The following CTNNA3 variants were observed in gnomAD, a reference collection of about 807,000 sequenced individuals.
The protein encoded by CTNNA3 is catenin alpha 3, also known as catenin alpha-3.
CTNNA3 carries 76 observed loss-of-function variants against 95.7 expected under a neutral mutation model. The observed-to-expected ratio is 0.79, with a 90% CI of 0.66 to 0.96. The LOEUF is 0.96. CTNNA3 is among the 40% of genes least tolerant of loss of function. The pLI is 0.00. For missense variants in CTNNA3, 1,191 were observed against 1,089.8 expected, an observed-to-expected ratio of 1.09 and a Z score of -1.31; for synonymous variants, 431 against 374.4, an observed-to-expected ratio of 1.15 and a Z score of -1.74.
At chr10:66,666,319 T>C (rs552621534) in intron 9 of CTNNA3, among the ~76,000 whole-genome samples, 1 of 152,290 alleles carries the variant, frequency 6.6e-6, no homozygotes, top group East Asian at 1.9e-4. Flanking sequence ...ATCCTGTCCA[T>C]TCAGGGTTTG....
intron 7 of CTNNA3, among the ~76,000 whole-genome samples, chr10:67,011,513 T>G (rs1390406199): frequency 6.6e-6 from 1 of 152,278 alleles, no homozygotes; most frequent in South Asian, 2.1e-4. Context: ...GGAGTTAAAC[T>G]TAAAACTTTA....
chr10:66,569,510 T>A (rs1422105713), intron 10 of CTNNA3, among the ~76,000 whole-genome samples: 1 of 152,184 alleles, frequency 6.6e-6, no homozygotes, highest in East Asian at 1.9e-4. Flanking sequence ...ACTCATTAGC[T>A]GGAAGAAAAC....
chr10:66,682,693 G>A (rs1282913772), intron 9 of CTNNA3, among the ~76,000 whole-genome samples: 1 of 145,026 alleles, frequency 6.9e-6, no homozygotes, highest in East Asian at 2.0e-4. Flanking sequence ...TTTTATTTTA[G>A]ATTCAGGGGG....
chr10:67,176,871 C>G (rs1279528341), intron 7 of CTNNA3: 3 of 469,156 alleles, frequency 6.4e-6, no homozygotes, highest in South Asian at 4.6e-5. Flanking sequence ...CCTCTAGAAA[C>G]TGGAAAAGGC....
chr10:67,322,265 T>TAAAC (rs1717284509), intron 5 of CTNNA3, among the ~76,000 whole-genome samples: 1 of 152,150 alleles, frequency 6.6e-6, no homozygotes, highest in South Asian at 2.1e-4. Flanking sequence ...CATGTGCAGG[T>TAAAC]TTGTTATATA....
chr10:66,496,626 G>T (rs765102965), intron 11 of CTNNA3, among the ~76,000 whole-genome samples: 1 of 152,186 alleles, frequency 6.6e-6, no homozygotes, highest in South Asian at 2.1e-4. Flanking sequence ...TATTTATTCA[G>T]TGTAAAGGAT....
At chr10:66,866,033 A>T (rs191086509) in intron 7 of CTNNA3, among the ~76,000 whole-genome samples, 2 of 152,292 alleles carry the variant, frequency 1.3e-5, no homozygotes, top group Admixed American at 6.5e-5. Context: ...AATGCAAAAA[A>T]ATCAAAGAAA....
At chr10:66,360,258 A>G (rs10997081) in intron 12 of CTNNA3, among the ~76,000 whole-genome samples, 54,806 of 151,700 alleles carry the variant, frequency 0.36, 11,339 homozygotes, top group Non-Finnish European at 0.47. Context: ...TACATTATTC[A>G]ATATCTGTAC....
At chr10:67,371,665 T>C (rs1421160903) in intron 5 of CTNNA3, among the ~76,000 whole-genome samples, 2 of 152,210 alleles carry the variant, frequency 1.3e-5, no homozygotes, top group Non-Finnish European at 2.9e-5. Flanking sequence ...TCTTTGCTAT[T>C]GTGAATAGTG....
chr10:66,088,485 TTG>T (rs3074377), intron 14 of CTNNA3, among the ~76,000 whole-genome samples: 19,027 of 139,402 alleles, frequency 0.14, 1,276 homozygotes, highest in East Asian at 0.28. Flanking sequence ...GGTAGGTGTT[TTG>T]TGTGTGTGTG....
intron 13 of CTNNA3, among the ~76,000 whole-genome samples, chr10:66,263,418 C>T (rs1181472194): frequency 6.6e-6 from 1 of 151,990 alleles, no homozygotes; most frequent in Non-Finnish European, 1.5e-5. Flanking sequence ...CTTATCATAA[C>T]ACTATCTATA....
chr10:67,564,384 A>G (rs983385393), intron 3 of CTNNA3, among the ~76,000 whole-genome samples: 2 of 147,990 alleles, frequency 1.4e-5, no homozygotes, highest in Non-Finnish European at 3.0e-5. Flanking sequence ...TGAGCAAACT[A>G]TCGCAAGGAC....
chr10:66,205,506 T>C lies in CTNNA3; in HGVS notation c.1884+74964A>G, dbSNP rs75064671. 3.1e-3 allele frequency among the ~76,000 whole-genome samples: 465 copies of C among 152,118 alleles called. 19 individuals are homozygous for C. The East Asian group carries it at 0.077, about 25-fold the overall frequency. On this transcript the variant is annotated intron_variant, in intron 13 of 17. Coordinates refer to ENST00000433211, the MANE Select transcript of CTNNA3 (RefSeq NM_013266.4). ...CATTTTGCTTCTATAACTTAAGTTC[T>C]CAACTCCTAACTTAAGAATGGATTT...
intron 7 of CTNNA3, among the ~76,000 whole-genome samples, chr10:67,001,579 A>C (rs1851695816): frequency 6.6e-6 from 1 of 152,066 alleles, no homozygotes; most frequent in Admixed American, 6.6e-5. Context: ...ATAATATATC[A>C]TTACTATGTA....
intron 5 of CTNNA3, among the ~76,000 whole-genome samples, chr10:67,301,329 G>C (rs1448685022): frequency 6.6e-6 from 1 of 152,160 alleles, no homozygotes; most frequent in Non-Finnish European, 1.5e-5. Flanking sequence ...TGTTAGAATG[G>C]TTTTTATCAA....
chr10:67,209,131 C>A (rs1445450799), intron 6 of CTNNA3, among the ~76,000 whole-genome samples: 1 of 152,118 alleles, frequency 6.6e-6, no homozygotes, highest in African/African-American at 2.4e-5. Context: ...TCACTGCAAC[C>A]TCTGCCTCCT....
chr10:67,302,046 A>AACGAACGAACGAACGAACGAACGAAC, intron 5 of CTNNA3, among the ~76,000 whole-genome samples: 1 of 91,718 alleles, frequency 1.1e-5, no homozygotes, highest in East Asian at 4.4e-4. Flanking sequence ...AAAGAAAGAA[A>AACGAACGAACGAACGAACGAACGAAC]GAAAGAAAGA....
At chr10:66,582,344 G>GTTA (rs2132201340) in intron 10 of CTNNA3, among the ~76,000 whole-genome samples, 1 of 151,766 alleles carries the variant, frequency 6.6e-6, no homozygotes, top group African/African-American at 2.4e-5. Flanking sequence ...TTTTCTTGTA[G>GTTA]AGATACTACA....
intron 7 of CTNNA3, among the ~76,000 whole-genome samples, chr10:67,175,053 C>G (rs1274925045): frequency 7.9e-6 from 1 of 126,314 alleles, no homozygotes; most frequent in Admixed American, 9.2e-5. Context: ...AATGACAATT[C>G]TCATATGCAG....
Sources: gnomAD v4.1 joint callset for allele counts (sites outside exome capture counted in the v4.1 genomes callset) on GRCh38, gnomAD v4.1.1 for gene constraint, MANE v1.5 for transcripts, NCBI Gene and HGNC (gene_info 2026-07-23, HGNC 2026-07-21) for gene names.